TP63: variants seen among roughly 807,000 people sequenced by gnomAD.
TP63 encodes tumor protein 63.
A neutral mutation model predicts 82.8 loss-of-function variants in TP63; 17 were observed. The observed-to-expected ratio is 0.21, with a 90% CI of 0.14 to 0.31. The LOEUF is 0.31. Among genes scored for constraint, TP63 ranks in the 10% least tolerant of loss-of-function variants. The pLI is 1.00. For synonymous variants in TP63, 330 were observed against 321.7 expected, an observed-to-expected ratio of 1.03 and a Z score of -0.28; for missense variants, 648 against 895.3, an observed-to-expected ratio of 0.72 and a Z score of 3.52.
chr3:189,880,932 C>CA (rs1297458185), intron 10 of TP63: 5 of 985,304 alleles, frequency 5.1e-6, no homozygotes, highest in South Asian at 4.7e-5. Context: ...AGACCTACTA[C>CA]AAAAAAACTG....
intron 9 of TP63, among the ~76,000 whole-genome samples, 185 bp downstream of exon 9, chr3:189,869,591 T>C (rs1718161499): frequency 2.6e-5 from 4 of 152,066 alleles, no homozygotes; most frequent in Admixed American, 2.6e-4. Flanking sequence ...TTTTCTAGAG[T>C]CTGGAAGTCT....
At chr3:189,765,433 C>CTTTTTCTTTTTTTTTT (rs1722871964) in intron 3 of TP63, among the ~76,000 whole-genome samples, 1 of 30,088 alleles carries the variant, frequency 3.3e-5, no homozygotes, top group African/African-American at 1.2e-4. Context: ...CTGTCCTCTG[C>CTTTTTCTTTTTTTTTT]TTTTTTTTTT....
rs540654703 is a variant in TP63, at chr3:189,652,394, T to C, written c.62+20817T>C. 1.7e-4 allele frequency among the ~76,000 whole-genome samples: 25 copies of C among 147,198 alleles called. 4 individuals carry two copies. The highest frequency in any genetic ancestry group is 5.1e-4 in the African/African-American group (20 of 39,360). Reference sequence around the variant, plus strand: ...ACCTTGCATGGGGCCTATAGCTCCATTGTTTTGGCCAATTTCTCCCATTTG... The same window carrying C: ...ACCTTGCATGGGGCCTATAGCTCCACTGTTTTGGCCAATTTCTCCCATTTG... On this transcript the variant is annotated intron_variant, in intron 1 of 13. Transcript: ENST00000264731.
At chr3:189,845,123 C>T (rs575708294) in intron 4 of TP63, among the ~76,000 whole-genome samples, 3 of 152,322 alleles carry the variant, frequency 2.0e-5, no homozygotes, top group Admixed American at 1.3e-4. Flanking sequence ...AGACTTTGTA[C>T]TTGATTAACG....
the TP63 span, among the ~76,000 whole-genome samples, chr3:189,612,500 T>A: frequency 6.6e-6 from 1 of 152,274 alleles, no homozygotes; most frequent in South Asian, 2.1e-4. Context: ...CTCCTTTCTT[T>A]GTAAATTGCC....
intron 4 of TP63, among the ~76,000 whole-genome samples, chr3:189,840,359 CTTTTTTTTTTTT>C: frequency 2.2e-5 from 1 of 44,448 alleles, no homozygotes; most frequent in Non-Finnish European, 3.9e-5. Flanking sequence ...TGCTTTTCGT[CTTTTTTTTTTTT>C]TTTTTTTTTT....
chr3:189,620,240 G>A, the TP63 span, among the ~76,000 whole-genome samples: 1 of 133,508 alleles, frequency 7.5e-6, no homozygotes, highest in Non-Finnish European at 1.6e-5. Flanking sequence ...GCATGGTAGT[G>A]TGTGCCGGGC....
intron 1 of TP63, among the ~76,000 whole-genome samples, chr3:189,675,747 T>C (rs1715338869): frequency 6.6e-6 from 1 of 152,102 alleles, no homozygotes; most frequent in Non-Finnish European, 1.5e-5. Context: ...CTGCATCAAA[T>C]AAATGAAACC....
chr3:189,771,066 G>A (rs2108556474), intron 3 of TP63, among the ~76,000 whole-genome samples: 1 of 151,602 alleles, frequency 6.6e-6, no homozygotes, highest in East Asian at 1.9e-4. Flanking sequence ...TAACTGTTAT[G>A]AAAAGCCACT....
At chr3:189,804,729 G>C (rs116125417) in intron 3 of TP63, among the ~76,000 whole-genome samples, 3 of 152,160 alleles carry the variant, frequency 2.0e-5, no homozygotes, top group African/African-American at 7.2e-5. Flanking sequence ...CAGTCATTCA[G>C]TTCTGACTTT....
rs1358625070 is a variant in TP63, at chr3:189,894,838, A to G, written c.*336A>G. ...ACCCTTATAGTCTAAGACTATATAT[A>G]TAAATGTATAAATATACAGTATAGA... On this transcript the variant is annotated 3_prime_UTR_variant, in exon 14 of 14. Transcript: ENST00000264731. 1.4e-5 allele frequency: 4 copies of G among 278,580 alleles called. No individual in the cohort carries two copies. The highest frequency in any genetic ancestry group is 2.8e-5 in the Non-Finnish European group (4 of 145,236). 17.3% of individuals were successfully genotyped at this position (278,580 alleles called of 1,614,324 possible).
intron 4 of TP63, among the ~76,000 whole-genome samples, chr3:189,839,475 T>C (rs1216487643): frequency 6.6e-6 from 1 of 152,202 alleles, no homozygotes; most frequent in Non-Finnish European, 1.5e-5. Flanking sequence ...TGATTTAAGT[T>C]CCAGTATTGA....
chr3:189,763,078 C>T (rs1472091773), intron 3 of TP63, among the ~76,000 whole-genome samples: 1 of 152,042 alleles, frequency 6.6e-6, no homozygotes, highest in African/African-American at 2.4e-5. Context: ...CAAGATCAGC[C>T]AGGGTAACCT....
At chr3:189,780,375 C>T (rs1414755944) in intron 3 of TP63, among the ~76,000 whole-genome samples, 1 of 152,172 alleles carries the variant, frequency 6.6e-6, no homozygotes, top group Non-Finnish European at 1.5e-5. Flanking sequence ...GTTAGATCAT[C>T]CTAGACAGAA....
At chr3:189,813,119 C>T (rs1460924469) in intron 4 of TP63, among the ~76,000 whole-genome samples, 1 of 152,110 alleles carries the variant, frequency 6.6e-6, no homozygotes, top group Non-Finnish European at 1.5e-5. Flanking sequence ...GACATTCGTT[C>T]CTCATTTTTA....
chr3:189,774,318 TA>T (rs1723616198), intron 3 of TP63, among the ~76,000 whole-genome samples: 1 of 152,254 alleles, frequency 6.6e-6, no homozygotes, highest in Non-Finnish European at 1.5e-5. Flanking sequence ...ATAGTTTGTC[TA>T]AAGAAAAAAT....
chr3:189,828,529 G>A (rs750355816), intron 4 of TP63, among the ~76,000 whole-genome samples: 2 of 152,184 alleles, frequency 1.3e-5, no homozygotes, highest in Non-Finnish European at 2.9e-5. Context: ...GTTAGGATTA[G>A]TCTTGGCTAT....
At chr3:189,708,350 T>G (rs1287072129) in intron 1 of TP63, among the ~76,000 whole-genome samples, 1 of 152,192 alleles carries the variant, frequency 6.6e-6, no homozygotes, top group Non-Finnish European at 1.5e-5. Flanking sequence ...CCACAATCTA[T>G]CTTTGTTTTC....
intron 3 of TP63, among the ~76,000 whole-genome samples, chr3:189,794,451 T>C (rs1725487584): frequency 1.3e-5 from 2 of 151,856 alleles, no homozygotes; most frequent in South Asian, 4.1e-4. Context: ...GAAGCTGCAC[T>C]TGGAAGGACA....
Sources: allele counts gnomAD v4.1 joint callset (sites outside exome capture counted in the v4.1 genomes callset), GRCh38; gene constraint gnomAD v4.1.1; transcripts MANE v1.5; gene names NCBI Gene and HGNC (gene_info 2026-07-23, HGNC 2026-07-21).